WWOX: variants seen among roughly 807,000 people sequenced by gnomAD.
The protein encoded by WWOX is WW domain containing oxidoreductase, also known as WW domain-containing oxidoreductase.
A neutral mutation model predicts 46.2 loss-of-function variants in WWOX; 69 were observed. That is an observed-to-expected ratio of 1.49 (90% CI 1.23 to 1.82). The LOEUF is 1.82. Among genes scored for constraint, WWOX ranks in the 40% most tolerant of loss-of-function variants. The pLI is 0.00. For synonymous variants in WWOX, 359 were observed against 202.6 expected, an observed-to-expected ratio of 1.77 and a Z score of -6.56; for missense variants, 919 against 542.6, an observed-to-expected ratio of 1.69 and a Z score of -6.89.
At chr16:78,534,859 G>A (rs1022055311) in intron 8 of WWOX, among the ~76,000 whole-genome samples, 2 of 151,934 alleles carry the variant, frequency 1.3e-5, no homozygotes, top group African/African-American at 4.8e-5. Flanking sequence ...GACTACAGGT[G>A]CGCGCTATCA....
At chr16:78,657,837 G>GTTTTTTGT (rs1329952123) in intron 8 of WWOX, among the ~76,000 whole-genome samples, 1 of 152,012 alleles carries the variant, frequency 6.6e-6, no homozygotes, top group African/African-American at 2.4e-5. Context: ...GTGTTATTTT[G>GTTTTTTGT]TTTTTTGTTT....
intron 8 of WWOX, among the ~76,000 whole-genome samples, chr16:78,466,633 C>T (rs2084084677): frequency 6.6e-6 from 1 of 152,062 alleles, no homozygotes; most frequent in Non-Finnish European, 1.5e-5. Context: ...AGTTCGAGAT[C>T]AGCCTGGCCA....
At chr16:78,639,662 C>T (rs1318160176) in intron 8 of WWOX, among the ~76,000 whole-genome samples, 8 of 151,810 alleles carry the variant, frequency 5.3e-5, no homozygotes, top group East Asian at 3.9e-4. Flanking sequence ...CTCCCAGGTT[C>T]GAGTGATTTT....
intron 8 of WWOX, among the ~76,000 whole-genome samples, chr16:78,856,254 C>A (rs1030741722): frequency 3.9e-5 from 6 of 152,170 alleles, no homozygotes; most frequent in African/African-American, 1.4e-4. Flanking sequence ...AAGGGCCTTG[C>A]AACAGGCCTG....
intron 6 of WWOX, among the ~76,000 whole-genome samples, chr16:78,414,040 G>T (rs1357364679): frequency 6.6e-6 from 1 of 151,812 alleles, no homozygotes; most frequent in African/African-American, 2.4e-5. Context: ...AGTGTGATTT[G>T]TTCCTGCCCC....
Position 79,105,277 on chromosome 16 carries a change from C to G in WWOX, c.1057-106331C>G, listed in dbSNP as rs188682588. ...AATTTTTTTATTTTGATAGTGAAAACAATTTCTTTTAGATGTAGAAAGGGT... is the reference window on the plus strand; with the variant it reads ...AATTTTTTTATTTTGATAGTGAAAAGAATTTCTTTTAGATGTAGAAAGGGT... On this transcript the variant is annotated intron_variant, in intron 8 of 8. Coordinates refer to ENST00000566780, the MANE Select transcript of WWOX (RefSeq NM_016373.4). 5.1e-4 allele frequency among the ~76,000 whole-genome samples: 78 copies of G among 152,216 alleles called. No homozygotes were observed. In the East Asian group the frequency reaches 0.014, roughly 27 times the overall value.
chr16:79,031,647 T>G (rs574650019), intron 8 of WWOX, among the ~76,000 whole-genome samples: 11 of 151,450 alleles, frequency 7.3e-5, no homozygotes, highest in Middle Eastern at 3.4e-3. Context: ...TTTACTTAAT[T>G]TAAAATTTAT....
chr16:79,006,658 G>C (rs939664504), intron 8 of WWOX, among the ~76,000 whole-genome samples: 12 of 152,264 alleles, frequency 7.9e-5, no homozygotes, highest in Admixed American at 4.6e-4. Context: ...GTCCAACACA[G>C]GTCTCACTCG....
chr16:78,757,956 G>A (rs896495789), intron 8 of WWOX, among the ~76,000 whole-genome samples: 1 of 152,012 alleles, frequency 6.6e-6, no homozygotes, highest in East Asian at 1.9e-4. Context: ...AGTTTGGGGG[G>A]ACACATTGAT....
At chr16:78,927,391 T>C (rs542895531) in intron 8 of WWOX, among the ~76,000 whole-genome samples, 17 of 152,372 alleles carry the variant, frequency 1.1e-4, no homozygotes, top group African/African-American at 3.1e-4. Flanking sequence ...AGACCATCAA[T>C]AACTGTTCTT....
At chr16:78,867,709 T>TAAGTGAG (rs1233116763) in intron 8 of WWOX, among the ~76,000 whole-genome samples, 1 of 151,994 alleles carries the variant, frequency 6.6e-6, no homozygotes, top group Non-Finnish European at 1.5e-5. Context: ...CCTGGCTAAT[T>TAAGTGAG]AAGTGAGTTT....
intron 8 of WWOX, among the ~76,000 whole-genome samples, chr16:79,140,368 A>T (rs768004447): frequency 6.6e-6 from 1 of 152,178 alleles, no homozygotes; most frequent in Non-Finnish European, 1.5e-5. Flanking sequence ...ATTGAATCGA[A>T]CTTCCACCGC....
chr16:78,435,272 T>A (rs8051477), intron 8 of WWOX, among the ~76,000 whole-genome samples: 1 of 151,912 alleles, frequency 6.6e-6, no homozygotes, highest in Non-Finnish European at 1.5e-5. Flanking sequence ...GTCTTAGTAA[T>A]AGCAGATGCC....
intron 8 of WWOX, among the ~76,000 whole-genome samples, chr16:78,438,144 G>C (rs776199484): frequency 1.3e-5 from 2 of 152,108 alleles, no homozygotes; most frequent in Non-Finnish European, 1.5e-5. Flanking sequence ...CAGATACCAC[G>C]ATGCTTTATG....
chr16:78,151,332 A>G (rs1247330836), intron 4 of WWOX, among the ~76,000 whole-genome samples: 1 of 152,126 alleles, frequency 6.6e-6, no homozygotes, highest in Non-Finnish European at 1.5e-5. Flanking sequence ...AAGTCAGGCT[A>G]CCATGCCCAT....
chr16:79,165,934 T>G (rs914557799), intron 8 of WWOX, among the ~76,000 whole-genome samples: 2 of 152,198 alleles, frequency 1.3e-5, no homozygotes, highest in Non-Finnish European at 2.9e-5. Flanking sequence ...ACCAGCCCTC[T>G]CAGACATTTT....
chr16:78,743,133 T>G (rs534513541), intron 8 of WWOX, among the ~76,000 whole-genome samples: 2 of 152,146 alleles, frequency 1.3e-5, no homozygotes, highest in African/African-American at 4.8e-5. Flanking sequence ...TGAGTGTCTT[T>G]CTCTGTGTGC....
At chr16:78,422,832 TATATATACATATACACACACACACAC>T (rs1567563648) in intron 6 of WWOX, among the ~76,000 whole-genome samples, 9 of 110,178 alleles carry the variant, frequency 8.2e-5, no homozygotes, top group African/African-American at 2.8e-4. Context: ...CACACATATA[TATATATACATATACACACACACACAC>T]ACACACACAC....
At chr16:79,210,406 G>C (rs148517591) in intron 8 of WWOX, among the ~76,000 whole-genome samples, 2 of 152,306 alleles carry the variant, frequency 1.3e-5, no homozygotes, top group East Asian at 3.9e-4. Context: ...CCTCCAGTAA[G>C]CACCCTGCAT....
Sources: gnomAD v4.1 joint callset for allele counts (sites outside exome capture counted in the v4.1 genomes callset) on GRCh38, gnomAD v4.1.1 for gene constraint, MANE v1.5 for transcripts, NCBI Gene and HGNC (gene_info 2026-07-23, HGNC 2026-07-21) for gene names.